Variants in IL1RAPL1 observed in about 807,000 individuals in gnomAD.
IL1RAPL1 encodes interleukin-1 receptor accessory protein-like 1.
A neutral mutation model predicts 48.4 loss-of-function variants in IL1RAPL1; 3 were observed. The observed-to-expected ratio is 0.06, with a 90% CI of 0.03 to 0.16. The LOEUF (loss-of-function observed/expected upper bound fraction) is 0.16, where lower values mean the gene tolerates loss of function less well. Ranked by LOEUF, IL1RAPL1 falls within the 10% of genes least tolerant of loss-of-function variation. The probability of loss-of-function intolerance (pLI) is 1.00; values close to 1 mark genes in which losing one functional copy is unlikely to be tolerated. For synonymous variants in IL1RAPL1, 185 were observed against 187.7 expected, an observed-to-expected ratio of 0.99 and a Z score of 0.12; for missense variants, 349 against 530.6, an observed-to-expected ratio of 0.66 and a Z score of 3.36.
chrX:29,350,194 TATATA>T (rs1933206719), intron 3 of IL1RAPL1, among the ~76,000 whole-genome samples: 4 of 43,075 alleles, frequency 9.3e-5, no homozygotes, highest in African/African-American at 5.3e-4. Flanking sequence ...TGTTATTTTA[TATATA>T]TATATATATA....
chrX:29,271,964 T>C (rs1396057784), intron 2 of IL1RAPL1, among the ~76,000 whole-genome samples: 1 of 112,111 alleles, frequency 8.9e-6, no homozygotes, highest in African/African-American at 3.2e-5. Context: ...GGTGTCCTTA[T>C]TATGTAATCT....
chrX:29,149,239 T>C (rs150556300), intron 2 of IL1RAPL1, among the ~76,000 whole-genome samples: 12 of 110,745 alleles, frequency 1.1e-4, no homozygotes, highest in African/African-American at 3.9e-4. Flanking sequence ...AAAATACTAA[T>C]ATATATTATT....
chrX:29,739,549 G>C (rs145984462), intron 6 of IL1RAPL1, among the ~76,000 whole-genome samples: 3,140 of 111,290 alleles, frequency 0.028, 106 homozygotes, highest in African/African-American at 0.098. Context: ...GATTATTCAT[G>C]AGTTGCCATA....
At position 28,928,154 on chromosome X, in the gene IL1RAPL1, G is replaced by A. The variant is rs755276215; in HGVS notation, c.82+138729G>A. ...TTAACTGGTTCCATTATGACCCGAT[G>A]ACTAAAGTCAAATTTATAAATGCTT... On this transcript the variant is annotated intron_variant, in intron 2 of 10. Transcript: ENST00000378993. Among the ~76,000 whole-genome samples, 55 of 110,914 alleles carry A rather than the reference G, an allele frequency of 5.0e-4. No homozygotes were observed. In the Admixed American group the frequency reaches 5.3e-3, roughly 11 times the overall value.
Position 29,251,441 on chromosome X carries a change from C to T in IL1RAPL1, c.83-31497C>T, listed in dbSNP as rs750302157. On this transcript the variant is annotated intron_variant, in intron 2 of 10. Coordinates refer to ENST00000378993, the MANE Select transcript of IL1RAPL1 (RefSeq NM_014271.4). The stretch of plus-strand genomic sequence containing the variant: ...ATAATATATGGGGATAACAGTAGAC[C>T]GTGTATGCAGGAGTAGGACAGTTAT... Among the ~76,000 whole-genome samples the T allele has an allele frequency of 7.2e-5, 8 of 110,927 alleles. No homozygotes were observed. The South Asian group carries it at 1.1e-3, about 16-fold the overall frequency.
chrX:29,324,012 C>G (rs1932827804), intron 3 of IL1RAPL1, among the ~76,000 whole-genome samples: 1 of 106,713 alleles, frequency 9.4e-6, no homozygotes, highest in African/African-American at 3.4e-5. Flanking sequence ...CCACAGCACA[C>G]AACAGTTTCA....
intron 2 of IL1RAPL1, among the ~76,000 whole-genome samples, chrX:29,147,613 G>A (rs755366861): frequency 9.0e-6 from 1 of 111,287 alleles, no homozygotes; most frequent in South Asian, 3.8e-4. Context: ...ACCAGAGAGG[G>A]GAAAAATGCT....
rs1406263444 is a variant in IL1RAPL1 at position 29,920,101 on chromosome X, G to A, written c.1057+7G>A. 1.7e-6 allele frequency: 2 copies of A among 1,209,278 alleles called. No individual in the cohort carries two copies. The highest frequency in any genetic ancestry group is 3.5e-5 in the African/African-American group (2 of 57,215). ...GTTCTCCTTCATAAACGAGGTGAGT[G>A]TAACCTTCTAAGCTTCGGTGGTCAA... On this transcript the variant is annotated splice_region_variant and intron_variant, in intron 8 of 10. Coordinates refer to ENST00000378993, the MANE Select transcript of IL1RAPL1 (RefSeq NM_014271.4).
chrX:29,206,043 G>A (rs930654287), intron 2 of IL1RAPL1, among the ~76,000 whole-genome samples: 7 of 111,083 alleles, frequency 6.3e-5, no homozygotes, highest in African/African-American at 9.8e-5. Context: ...GCGCCTGGCC[G>A]ATATTAGTTT....
chrX:29,345,158 A>G (rs1933135222), intron 3 of IL1RAPL1, among the ~76,000 whole-genome samples: 1 of 112,457 alleles, frequency 8.9e-6, no homozygotes. Context: ...CTCATTGTAC[A>G]CATAAGCAAG....
At chrX:29,784,470 A>G (rs1929444702) in intron 6 of IL1RAPL1, among the ~76,000 whole-genome samples, 1 of 111,593 alleles carries the variant, frequency 9.0e-6, no homozygotes, top group Admixed American at 9.5e-5. Context: ...TATGTCTTAT[A>G]TTTGAAATGT....
chrX:29,683,374 T>C (rs1486093785), intron 6 of IL1RAPL1, among the ~76,000 whole-genome samples: 9 of 112,488 alleles, frequency 8.0e-5, no homozygotes, highest in African/African-American at 2.9e-4. Context: ...CAGTCATGAA[T>C]GTCAGCTCTC....
At chrX:29,914,701 AAAC>A (rs1932784123) in intron 6 of IL1RAPL1, among the ~76,000 whole-genome samples, 1 of 108,270 alleles carries the variant, frequency 9.2e-6, no homozygotes, top group African/African-American at 3.6e-5. Flanking sequence ...AAAAAAACAA[AAAC>A]AAAAACAAAA....
At chrX:29,293,065 T>A (rs1224777466) in intron 3 of IL1RAPL1, among the ~76,000 whole-genome samples, 1 of 111,648 alleles carries the variant, frequency 9.0e-6, no homozygotes, top group Non-Finnish European at 1.9e-5. Context: ...TTAAGCCATA[T>A]TTCCATGTCT....
intron 2 of IL1RAPL1, among the ~76,000 whole-genome samples, chrX:29,004,834 T>C (rs1476152209): frequency 9.0e-6 from 1 of 111,241 alleles, no homozygotes; most frequent in African/African-American, 3.3e-5. Flanking sequence ...GCCCTCCAGC[T>C]GGGTGACAGA....
intron 5 of IL1RAPL1, among the ~76,000 whole-genome samples, chrX:29,584,845 T>C (rs1399403427): frequency 8.9e-6 from 1 of 112,285 alleles, no homozygotes; most frequent in Non-Finnish European, 1.9e-5. Flanking sequence ...TGAGCCATCA[T>C]ACCTGGCCCA....
chrX:29,002,062 A>G (rs752557872), intron 2 of IL1RAPL1, among the ~76,000 whole-genome samples: 75 of 107,695 alleles, frequency 7.0e-4, no homozygotes, highest in Middle Eastern at 9.8e-3. Flanking sequence ...TGTCCGGCTA[A>G]TTTTTTTTTG....
At chrX:29,248,093 T>G (rs1212450054) in intron 2 of IL1RAPL1, among the ~76,000 whole-genome samples, 1 of 111,742 alleles carries the variant, frequency 8.9e-6, no homozygotes, top group African/African-American at 3.3e-5. Flanking sequence ...TGCTCTAAGT[T>G]AGCAAAAGAA....
intron 5 of IL1RAPL1, among the ~76,000 whole-genome samples, chrX:29,587,040 A>G (rs939498990): frequency 9.0e-6 from 1 of 110,762 alleles, no homozygotes; most frequent in Non-Finnish European, 1.9e-5. Context: ...TACTCTGGCC[A>G]GGACTTTAAA....
Sources: allele counts gnomAD v4.1 joint callset (sites outside exome capture counted in the v4.1 genomes callset), GRCh38; gene constraint gnomAD v4.1.1; transcripts MANE v1.5; gene names NCBI Gene and HGNC (gene_info 2026-07-23, HGNC 2026-07-21).